PTDSS2: variants seen among roughly 807,000 people sequenced by gnomAD.
PTDSS2 encodes the protein phosphatidylserine synthase 2.
In PTDSS2, 41 loss-of-function variants were observed where a neutral mutation model predicts 64.7. That is an observed-to-expected ratio of 0.63 (90% CI 0.49 to 0.82). The LOEUF (loss-of-function observed/expected upper bound fraction) is 0.82, where lower values mean the gene tolerates loss of function less well. Among genes scored for constraint, PTDSS2 ranks in the 40% least tolerant of loss-of-function variants. The pLI is 0.00. For missense variants in PTDSS2, 485 were observed against 650.0 expected (o/e 0.75, Z 2.76); for synonymous variants, 297 against 277.8 (o/e 1.07, Z -0.69).
At chr11:475,148 C>T (rs868547861) in intron 3 of PTDSS2, among the ~76,000 whole-genome samples, 3,565 of 135,180 alleles carry the variant, frequency 0.026, 87 homozygotes, top group African/African-American at 0.094. Context: ...TTGTGTGATA[C>T]GGACATATTC....
chr11:474,969 C>T (rs1171584166), intron 3 of PTDSS2, among the ~76,000 whole-genome samples: 6 of 148,948 alleles, frequency 4.0e-5, no homozygotes, highest in South Asian at 2.1e-4. Flanking sequence ...TGTATATGGA[C>T]ATGTTCACGC....
Position 479,650 on chromosome 11 carries a change from C to T in PTDSS2, c.435+498C>T, listed in dbSNP as rs772195005. Among the ~76,000 whole-genome samples the T allele has an allele frequency of 7.9e-5, 12 of 152,266 alleles. No individual in the cohort carries two copies. The highest frequency in any genetic ancestry group is 5.8e-4 in the East Asian group (3 of 5,172). On this transcript the variant is annotated intron_variant, in intron 4 of 11. Coordinates refer to ENST00000308020, the MANE Select transcript of PTDSS2 (RefSeq NM_030783.3). The surrounding 1 kb of genome is among the most constrained non-coding windows in gnomAD (Gnocchi z 4.2). ...GAGGGGACCCCAGCGCCAAGAGGGA[C>T]GGGGTCTTTGTTTTTGTGTTTTGTG... is the stretch of plus-strand genomic sequence containing the variant.
At position 491,036 on chromosome 11, in the gene PTDSS2, C is replaced by T. The variant is rs980870233; in HGVS notation, c.*454C>T. 7.4e-5 allele frequency: 13 copies of T among 175,872 alleles called. No individual in the cohort carries two copies. The highest frequency in any genetic ancestry group is 2.6e-4 in the African/African-American group (11 of 41,932). 10.9% of individuals were successfully genotyped at this position (175,872 alleles called of 1,614,324 possible). A position where few individuals can be genotyped will look rare whatever the true frequency, so the allele number is the denominator to read the frequency against. ...TGGTGTGGTCCAGGCAGGGACATCT[C>T]GGTACCCTTTCTGCACTCCGTGGGC... is the stretch of plus-strand genomic sequence containing the variant. On this transcript the variant is annotated 3_prime_UTR_variant, in exon 12 of 12. Coordinates refer to ENST00000308020, the MANE Select transcript of PTDSS2 (RefSeq NM_030783.3).
chr11:450,488 TCCGCGGCCCGAGTCCCCGGTGC>T lies in PTDSS2; in HGVS notation c.40_61del (p.Pro14AlafsTer46). The T allele has an allele frequency of 8.1e-7, 1 of 1,234,982 alleles. No homozygotes were observed. The highest frequency in any genetic ancestry group is 1.0e-6 in the Non-Finnish European group (1 of 984,144). 76.5% of individuals were successfully genotyped at this position (1,234,982 alleles called of 1,614,324 possible). Reference sequence around the variant, plus strand: ...GGGGCGAGCGCAGGGACGCCGGAGGTCCGCGGCCCGAGTCCCCGGTGCCCGCGGGCAGGGCCTCGCTGGAGGA... The same window carrying T: ...GGGGCGAGCGCAGGGACGCCGGAGGTCCGCGGGCAGGGCCTCGCTGGAGGA... On this transcript the variant is annotated frameshift_variant, in exon 1 of 12. Coordinates refer to ENST00000308020, the MANE Select transcript of PTDSS2 (RefSeq NM_030783.3). LOFTEE classifies it high-confidence loss of function.
At chr11:487,345 G>A in intron 5 of PTDSS2, 75 bp from the exon 6 acceptor site, 1 of 1,374,210 alleles carries the variant, frequency 7.3e-7, no homozygotes, top group Non-Finnish European at 1.0e-6. Context: ...CTGCTCAGGT[G>A]TGGGCTGATC....
At position 460,863 on chromosome 11, in the gene PTDSS2, GT is replaced by G. The variant is rs1311764642; in HGVS notation, c.284+579del. The G allele has an allele frequency of 6.5e-6, 1 of 153,006 alleles. No homozygotes were observed. The highest frequency in any genetic ancestry group is 2.4e-5 in the African/African-American group (1 of 41,458). The allele number at this position is 153,006 out of a possible 1,614,324, so 9.5% of individuals were successfully genotyped here. A position where few individuals can be genotyped will look rare whatever the true frequency, so the allele number is the denominator to read the frequency against. On this transcript the variant is annotated intron_variant, in intron 2 of 11. Coordinates refer to ENST00000308020, the MANE Select transcript of PTDSS2 (RefSeq NM_030783.3). The surrounding 1 kb of genome is among the most constrained non-coding windows in gnomAD (Gnocchi z 5.8). ...AGAAGTGCGTGTGGAAGAGAAGCTGGTTTTAGAGCCTGTGAATCAGTCTTGA... is the reference window on the plus strand; with the variant it reads ...AGAAGTGCGTGTGGAAGAGAAGCTGGTTTAGAGCCTGTGAATCAGTCTTGA...
intron 8 of PTDSS2, 42 bp from the exon 9 acceptor site, chr11:489,358 G>C: frequency 6.4e-7 from 1 of 1,555,020 alleles, no homozygotes; most frequent in Non-Finnish European, 8.8e-7. Context: ...GGCAGGGTTC[G>C]GTGGGCTGCC....
chr11:490,014 G>A lies in PTDSS2; in HGVS notation c.1247G>A (p.Trp416Ter). 1 of 1,611,760 alleles carries A rather than the reference G, an allele frequency of 6.2e-7. No homozygotes were observed. The highest frequency in any genetic ancestry group is 8.5e-7 in the Non-Finnish European group (1 of 1,179,952). Residue 416 changes from tryptophan (W) to a stop codon, truncating the protein, a stop_gained, in exon 11 of 12, where the codon TGG (tryptophan) becomes TAG (stop). Transcript: ENST00000308020. LOFTEE classifies it high-confidence loss of function. ...LSLPFYISQC[W>*]TLGSVLALTW... ...CTGCCCTTCTACATCTCCCAGTGCT[G>A]GACCCTCGGCTCCGTCCTGGCGCTC...
intron 1 of PTDSS2, among the ~76,000 whole-genome samples, chr11:450,860 A>G (rs940413150): frequency 6.6e-6 from 1 of 151,876 alleles, no homozygotes; most frequent in African/African-American, 2.4e-5. Flanking sequence ...TAGGTGGGGG[A>G]GACCCTGGGC....
Position 487,454 on chromosome 11 carries a change from T to G in PTDSS2, c.605T>G (p.Leu202Arg). ...KLDGFVPAHFLGWYLKTLMIR... is the reference protein window; with the variant it reads ...KLDGFVPAHFRGWYLKTLMIR... ...GATGGCTTTGTTCCCGCGCACTTTC[T>G]TGGCTGGTACCTGAAGGTACGGCAC... Residue 202 changes from leucine to arginine, a missense_variant, in exon 6 of 12, where the codon CTT (leucine) becomes CGT (arginine). This residue lies in a region of PTDSS2 where 251 missense variants were observed against 348.0 expected (regional missense o/e 0.72). Coordinates refer to ENST00000308020, the MANE Select transcript of PTDSS2 (RefSeq NM_030783.3). The G allele has an allele frequency of 6.2e-7, 1 of 1,613,984 alleles. No homozygotes were observed. Among genetic ancestry groups the G allele is most frequent in the Non-Finnish European group, 8.5e-7 (1 of 1,180,006 alleles).
At chr11:488,166 G>A (rs754778823) in intron 6 of PTDSS2, 33 bp from the exon 7 acceptor site, 26 of 1,517,106 alleles carry the variant, frequency 1.7e-5, no homozygotes, top group South Asian at 9.0e-5. Flanking sequence ...TGTGGCCGGC[G>A]TCCCATACTC....
chr11:485,815 G>A (rs966839183), intron 4 of PTDSS2, among the ~76,000 whole-genome samples: 1 of 79,450 alleles, frequency 1.3e-5, no homozygotes, highest in Non-Finnish European at 2.5e-5. Flanking sequence ...AACAGTGCAC[G>A]GGCGCGCGTG....
In PTDSS2 at chr11:460,780, C is replaced by G. The variant is rs1398642113; in HGVS notation, c.284+492C>G. On this transcript the variant is annotated intron_variant, in intron 2 of 11. Transcript: ENST00000308020. The surrounding 1 kb of genome is among the most constrained non-coding windows in gnomAD (Gnocchi z 5.8). The stretch of plus-strand genomic sequence containing the variant: ...TCTCAGGTTTATCTCCACAGGCAGG[C>G]AGGCTAGACCTTGGGTGTGTCCTCT... The G allele has an allele frequency of 6.4e-6, 1 of 156,400 alleles. No individual in the cohort carries two copies. The highest frequency in any genetic ancestry group is 1.4e-5 in the Non-Finnish European group (1 of 70,490). The allele number at this position is 156,400 out of a possible 1,614,324, so 9.7% of individuals were successfully genotyped here.
chr11:455,713 G>A (rs907524306), intron 1 of PTDSS2, among the ~76,000 whole-genome samples: 5 of 152,202 alleles, frequency 3.3e-5, no homozygotes, highest in African/African-American at 7.2e-5. Context: ...CCCAGGCCAC[G>A]AGCCCTCCTG....
Position 476,013 on chromosome 11 carries a change from GC to G in PTDSS2, c.367+2040del. Among the ~76,000 whole-genome samples, 1 of 152,338 alleles carries G rather than the reference GC, an allele frequency of 6.6e-6. No homozygotes were observed. The highest frequency in any genetic ancestry group is 2.1e-4 in the South Asian group (1 of 4,826). On this transcript the variant is annotated intron_variant, in intron 3 of 11. Transcript: ENST00000308020. The surrounding 1 kb of genome is among the most constrained non-coding windows in gnomAD (Gnocchi z 4.9). ...ATTGGCCTCCAGGAGAGCAGTGTCT[GC>G]CCCAGGGTCAGTGCCATGGTGGTGA... is the stretch of plus-strand genomic sequence containing the variant.
At chr11:474,991 G>A (rs935889366) in intron 3 of PTDSS2, among the ~76,000 whole-genome samples, 4 of 94,894 alleles carry the variant, frequency 4.2e-5, no homozygotes, top group East Asian at 2.9e-4. Context: ...TTTGTGATAC[G>A]GACATATTCA....
Position 479,405 on chromosome 11 carries a change from G to A in PTDSS2, c.435+253G>A, listed in dbSNP as rs1396584935. 1.0e-5 allele frequency: 6 copies of A among 577,686 alleles called. No homozygotes were observed. In the Admixed American group the frequency reaches 1.2e-4, roughly 12 times the overall value. The allele number at this position is 577,686 out of a possible 1,614,324, so 35.8% of individuals were successfully genotyped here. ...GGGGCCTCCAGGAGCATCTGCTGGT[G>A]GGGCGCTGACTGTGGCCATTTAGCA... On this transcript the variant is annotated intron_variant, in intron 4 of 11. Transcript: ENST00000308020. The surrounding 1 kb of genome is among the most constrained non-coding windows in gnomAD (Gnocchi z 4.2).
Position 475,069 on chromosome 11 carries a change from T to C in PTDSS2, c.367+1092T>C, listed in dbSNP as rs1227205876. 9.7e-5 allele frequency among the ~76,000 whole-genome samples: 9 copies of C among 92,464 alleles called. No homozygotes were observed. The East Asian group carries it at 1.0e-3, about 11-fold the overall frequency. The allele number at this position is 92,464 out of a possible 152,430, so 60.7% of individuals were successfully genotyped here. A position where few individuals can be genotyped will look rare whatever the true frequency, so the allele number is the denominator to read the frequency against. The stretch of plus-strand genomic sequence containing the variant: ...CGGACATTCACGCGTTTGTGTGATA[T>C]GGACACATTCACGTGTTTGTGTGTG... On this transcript the variant is annotated intron_variant, in intron 3 of 11. Coordinates refer to ENST00000308020, the MANE Select transcript of PTDSS2 (RefSeq NM_030783.3).
rs769200729 is a variant in PTDSS2 at position 490,472 on chromosome 11, G to A, written c.1354G>A (p.Asp452Asn). Residue 452 changes from aspartate to asparagine, a missense_variant, in exon 12 of 12, where the codon GAT (aspartate) becomes AAT (asparagine). Coordinates refer to ENST00000308020, the MANE Select transcript of PTDSS2 (RefSeq NM_030783.3). ...CCGGTGGCAGAAGTGGCAGAACAAG[G>A]ATGACCAGGGCAGCACCGTCGGCAA... ...ETRWQKWQNK[D>N]DQGSTVGNGD... The A allele has an allele frequency of 1.2e-4, 190 of 1,613,094 alleles. No individual in the cohort carries two copies. The highest frequency in any genetic ancestry group is 1.6e-4 in the Non-Finnish European group (186 of 1,179,942).
Sources: allele counts gnomAD v4.1 joint callset (sites outside exome capture counted in the v4.1 genomes callset), GRCh38; gene constraint gnomAD v4.1.1; regional missense constraint gnomAD v4.1.1; non-coding constraint Gnocchi (gnomAD v3.1); transcripts MANE v1.5; gene names NCBI Gene and HGNC (gene_info 2026-07-23, HGNC 2026-07-21).